PRKN: variants seen among roughly 807,000 people sequenced by gnomAD.
PRKN encodes E3 ubiquitin-protein ligase parkin.
PRKN carries 56 observed loss-of-function variants against 59.5 expected under a neutral mutation model. The ratio of observed to expected loss-of-function variants is 0.94; its 90% CI spans 0.76 to 1.18. PRKN has a LOEUF of 1.18. PRKN is among the 50% of genes most tolerant of loss of function. The pLI, the probability that PRKN is intolerant of heterozygous loss-of-function variation, is 0.00. For synonymous variants in PRKN, 250 were observed against 222.1 expected (o/e 1.13, Z -1.12); for missense variants, 657 against 596.4 (o/e 1.10, Z -1.06).
intron 1 of PRKN, among the ~76,000 whole-genome samples, chr6:162,655,617 A>G (rs1778615495): frequency 6.6e-6 from 1 of 152,196 alleles, no homozygotes; most frequent in South Asian, 2.1e-4. Flanking sequence ...AGGGAAAAAA[A>G]GGAATTATGG....
chr6:161,522,868 C>T (rs1778885745), intron 9 of PRKN, among the ~76,000 whole-genome samples: 2 of 152,132 alleles, frequency 1.3e-5, no homozygotes, highest in Admixed American at 1.3e-4. Context: ...GACATCGTAT[C>T]AATAAAGAAA....
intron 1 of PRKN, among the ~76,000 whole-genome samples, chr6:162,606,526 A>T (rs1036778150): frequency 6.6e-6 from 1 of 152,206 alleles, no homozygotes; most frequent in African/African-American, 2.4e-5. Flanking sequence ...GTTAAGTCAA[A>T]CCATTGTAAA....
intron 1 of PRKN, among the ~76,000 whole-genome samples, chr6:162,601,373 TGTATAAAA>T (rs2128216805): frequency 6.8e-6 from 1 of 147,424 alleles, no homozygotes; most frequent in East Asian, 2.2e-4. Flanking sequence ...GAAATTCATA[TGTATAAAA>T]GTATAAAGTA....
chr6:162,572,733 AG>A (rs1367821627), intron 1 of PRKN, among the ~76,000 whole-genome samples: 1 of 152,238 alleles, frequency 6.6e-6, no homozygotes, highest in African/African-American at 2.4e-5. Context: ...AAAATCAATC[AG>A]GAAATCATGA....
intron 2 of PRKN, among the ~76,000 whole-genome samples, chr6:162,407,635 G>A (rs1009777194): frequency 6.6e-6 from 1 of 152,116 alleles, no homozygotes; most frequent in Non-Finnish European, 1.5e-5. Context: ...CAAAGAATCA[G>A]ATCTCAATTC....
chr6:161,484,174 T>C lies in PRKN; in HGVS notation c.1083+64680A>G, dbSNP rs949991578. 6.6e-6 allele frequency among the ~76,000 whole-genome samples: 1 copy of C among 152,094 alleles called. No individual in the cohort carries two copies. The highest frequency in any genetic ancestry group is 1.5e-5 in the Non-Finnish European group (1 of 68,022). ...ACATCCTGCACATGTACCCCTGAAC[T>C]TAAAATGAAAAGTTGAAGAAAATTT... On this transcript the variant is annotated intron_variant, in intron 9 of 11. Coordinates refer to ENST00000366898, the MANE Select transcript of PRKN (RefSeq NM_004562.3). This position sits in a 1 kb window ranked among gnomAD's most constrained non-coding sequence, Gnocchi z 4.9.
At chr6:162,215,967 G>T (rs569632114) in intron 3 of PRKN, among the ~76,000 whole-genome samples, 1 of 151,662 alleles carries the variant, frequency 6.6e-6, no homozygotes, top group African/African-American at 2.4e-5. Flanking sequence ...TGCTTGAACC[G>T]GGACCCGGGA....
chr6:162,213,861 ATG>A, intron 3 of PRKN, among the ~76,000 whole-genome samples: 1 of 142,594 alleles, frequency 7.0e-6, no homozygotes, highest in African/African-American at 2.7e-5. Context: ...ACACACACAT[ATG>A]AATAGTAAGA....
At chr6:162,710,417 CT>C (rs1396766598) in intron 1 of PRKN, among the ~76,000 whole-genome samples, 5 of 60,394 alleles carry the variant, frequency 8.3e-5, no homozygotes, top group East Asian at 6.2e-4. Context: ...ACACACACAA[CT>C]GTTTGGTATG....
intron 6 of PRKN, among the ~76,000 whole-genome samples, chr6:161,923,652 T>A (rs1193248519): frequency 6.6e-6 from 1 of 152,240 alleles, no homozygotes; most frequent in African/African-American, 2.4e-5. Flanking sequence ...ACTATATGTA[T>A]AACTGTATTG....
chr6:162,714,798 G>A (rs890100799), intron 1 of PRKN, among the ~76,000 whole-genome samples: 1 of 152,132 alleles, frequency 6.6e-6, no homozygotes, highest in African/African-American at 2.4e-5. Flanking sequence ...GCTAAAGGTG[G>A]AAAAGAGACA....
At position 161,373,765 on chromosome 6, in the gene PRKN, C is replaced by G. The variant is rs944153404; in HGVS notation, c.1167+13029G>C. On this transcript the variant is annotated intron_variant, in intron 10 of 11. Coordinates refer to ENST00000366898, the MANE Select transcript of PRKN (RefSeq NM_004562.3). The surrounding 1 kb of genome is among the most constrained non-coding windows in gnomAD (Gnocchi z 4.8). ...GTTTTCCTCACACATGGTCAACATG[C>G]TTTTCTGTGGAGTGACAATATTTTG... Among the ~76,000 whole-genome samples the G allele has an allele frequency of 6.6e-6, 1 of 152,156 alleles. No homozygotes were observed.
chr6:161,840,035 G>C (rs546281816), intron 6 of PRKN, among the ~76,000 whole-genome samples: 1 of 152,240 alleles, frequency 6.6e-6, no homozygotes, highest in East Asian at 1.9e-4. Context: ...GGCAACACTT[G>C]CCTACAGTTG....
intron 3 of PRKN, among the ~76,000 whole-genome samples, chr6:162,210,828 T>TA (rs905103887): frequency 2.0e-5 from 3 of 151,948 alleles, no homozygotes; most frequent in Non-Finnish European, 4.4e-5. Flanking sequence ...TAATATGCTT[T>TA]AAAAAAAAGT....
intron 4 of PRKN, among the ~76,000 whole-genome samples, chr6:162,187,389 G>A (rs1055753924): frequency 6.6e-6 from 1 of 152,190 alleles, no homozygotes; most frequent in African/African-American, 2.4e-5. Context: ...TGTCAGCTGA[G>A]TGAGAACTTT....
At chr6:162,676,800 C>T (rs781575698) in intron 1 of PRKN, among the ~76,000 whole-genome samples, 3 of 152,118 alleles carry the variant, frequency 2.0e-5, no homozygotes, top group Non-Finnish European at 4.4e-5. Flanking sequence ...CGGTGGCTCA[C>T]GCCTGTCATC....
intron 6 of PRKN, among the ~76,000 whole-genome samples, chr6:161,966,762 A>G (rs1410398612): frequency 6.6e-6 from 1 of 152,266 alleles, no homozygotes; most frequent in Non-Finnish European, 1.5e-5. Context: ...CAGCTTCACA[A>G]AAAACCTCAG....
rs555152799 is a variant in PRKN at position 161,584,169 on chromosome 6, C to A, written c.872-14753G>T. On this transcript the variant is annotated intron_variant, in intron 7 of 11. Transcript: ENST00000366898. The surrounding 1 kb of genome is among the most constrained non-coding windows in gnomAD (Gnocchi z 4.8). Reference sequence around the variant, plus strand: ...CACTCCACTCTGAAAGAAATGAGAACCGTTTTTGCATTTCACCTTAATCAG... The same window carrying A: ...CACTCCACTCTGAAAGAAATGAGAAACGTTTTTGCATTTCACCTTAATCAG... Among the ~76,000 whole-genome samples, 312 of 152,284 alleles carry A rather than the reference C, an allele frequency of 2.0e-3. 1 individual carries two copies. Among genetic ancestry groups the A allele is most frequent in the African/African-American group, 7.2e-3 (298 of 41,560 alleles).
At chr6:162,005,632 G>A (rs1217564128) in intron 5 of PRKN, among the ~76,000 whole-genome samples, 4 of 152,000 alleles carry the variant, frequency 2.6e-5, no homozygotes, top group Admixed American at 1.3e-4. Context: ...TTGCCCTGCC[G>A]AGAATGCCTC....
Sources: gnomAD v4.1 joint callset for allele counts (sites outside exome capture counted in the v4.1 genomes callset) on GRCh38, gnomAD v4.1.1 for gene constraint, Gnocchi (gnomAD v3.1) non-coding constraint, MANE v1.5 for transcripts, NCBI Gene and HGNC (gene_info 2026-07-23, HGNC 2026-07-21) for gene names.